The following WNT2B variants were observed in gnomAD, a reference collection of about 807,000 sequenced individuals.
WNT2B encodes protein Wnt-2b.
In WNT2B, 19 loss-of-function variants were observed where a neutral mutation model predicts 40.5. The observed-to-expected ratio is 0.47, with a 90% CI of 0.33 to 0.69. The LOEUF (loss-of-function observed/expected upper bound fraction) is 0.69. Among genes scored for constraint, WNT2B ranks in the 30% least tolerant of loss-of-function variants. The pLI is 0.02. For synonymous variants in WNT2B, 220 were observed against 211.9 expected (o/e 1.04, Z -0.33); for missense variants, 467 against 556.4 (o/e 0.84, Z 1.62).
chr1:112,494,363 A>C (rs1651703464), intron 1 of WNT2B, among the ~76,000 whole-genome samples: 1 of 151,200 alleles, frequency 6.6e-6, no homozygotes, highest in African/African-American at 2.5e-5. Context: ...GCAAGAAGAA[A>C]GCGGAGAAAA....
At chr1:112,483,648 A>G (rs1342939114) in intron 1 of WNT2B, among the ~76,000 whole-genome samples, 3 of 152,092 alleles carry the variant, frequency 2.0e-5, no homozygotes, top group East Asian at 1.9e-4. Context: ...TCAAACTAAA[A>G]AGCTTCTGCA....
At chr1:112,474,240 G>T (rs1650986423) in intron 1 of WNT2B, among the ~76,000 whole-genome samples, 1 of 151,762 alleles carries the variant, frequency 6.6e-6, no homozygotes, top group Non-Finnish European at 1.5e-5. Flanking sequence ...CCGCCTCCCG[G>T]GTTCAAGCGA....
rs749004441 is a variant in WNT2B, at chr1:112,517,158, A to G, written c.719A>G (p.His240Arg). 10 of 1,613,570 alleles carry G rather than the reference A, an allele frequency of 6.2e-6. No individual in the cohort carries two copies. The highest frequency in any genetic ancestry group is 1.7e-5 in the Admixed American group (1 of 59,996). ...TTTCTGAAGCTGGAGTGTAAGTGCC[A>G]TGGCGTGAGTGGTTCCTGTACTCTG... ...RRFLKLECKC[H>R]GVSGSCTLRT... Residue 240 changes from histidine to arginine, a missense_variant, in exon 4 of 5, where the codon CAT becomes CGT. By Grantham distance (29) the His-to-Arg change is conservative (BLOSUM62 0). Coordinates refer to ENST00000369684, the MANE Select transcript of WNT2B (RefSeq NM_024494.3).
intron 1 of WNT2B, among the ~76,000 whole-genome samples, chr1:112,493,081 G>A (rs1382462453): frequency 1.3e-5 from 2 of 150,200 alleles, no homozygotes; most frequent in South Asian, 2.1e-4. Context: ...AGGGATATTG[G>A]AATTATCATA....
rs1652245892 is a variant in WNT2B, at chr1:112,509,221, C to G, written c.-42C>G. ...TGAGTACCCCCAGAAGGTGCCCCGT[C>G]CACGCCCCTCCGGGCTGCGCGGCGG... On this transcript the variant is annotated 5_prime_UTR_variant, in exon 1 of 5. Transcript: ENST00000369684. This position sits in a 1 kb window ranked among gnomAD's most constrained non-coding sequence, Gnocchi z 4.2. The G allele has an allele frequency of 6.8e-7, 1 of 1,474,030 alleles. No individual in the cohort carries two copies. Among genetic ancestry groups the G allele is most frequent in the East Asian group, 2.8e-5 (1 of 36,332 alleles). The allele number at this position is 1,474,030 out of a possible 1,614,324, so 91.3% of individuals were successfully genotyped here. A position where few individuals can be genotyped will look rare whatever the true frequency, so the allele number is the denominator to read the frequency against.
chr1:112,482,208 A>G (rs1020679558), intron 1 of WNT2B, among the ~76,000 whole-genome samples: 7 of 151,924 alleles, frequency 4.6e-5, no homozygotes, highest in African/African-American at 1.7e-4. Flanking sequence ...GGTTCCAACT[A>G]TTTGGGAGGC....
intron 1 of WNT2B, among the ~76,000 whole-genome samples, chr1:112,474,734 G>A (rs1651003962): frequency 6.6e-6 from 1 of 152,174 alleles, no homozygotes; most frequent in Non-Finnish European, 1.5e-5. Context: ...ATCTCATGTC[G>A]AATTGTGATC....
At chr1:112,495,617 C>A (rs1373133332) in intron 1 of WNT2B, among the ~76,000 whole-genome samples, 1 of 151,130 alleles carries the variant, frequency 6.6e-6, no homozygotes, top group Non-Finnish European at 1.5e-5. Flanking sequence ...CCAGCTATAT[C>A]AATAATCACT....
intron 1 of WNT2B, among the ~76,000 whole-genome samples, chr1:112,473,141 A>AAAAGGAAGGAAG (rs57408669): frequency 7.1e-6 from 1 of 139,878 alleles, no homozygotes; most frequent in African/African-American, 2.6e-5. Context: ...GAAAGAAAGA[A>AAAAGGAAGGAAG]GAAGGAAGGA....
chr1:112,514,673 ACT>A (rs1652463993), intron 1 of WNT2B, 199 bp from the exon 2 acceptor site: 1 of 610,012 alleles, frequency 1.6e-6, no homozygotes, highest in East Asian at 2.8e-5. Context: ...CCACTCAATT[ACT>A]CTCTCTGCAA....
Position 112,517,113 on chromosome 1 carries a change from T to TC in WNT2B, c.682-3dup. 1 of 1,605,218 alleles carries TC rather than the reference T, an allele frequency of 6.2e-7. No individual in the cohort carries two copies. The highest frequency in any genetic ancestry group is 8.5e-7 in the Non-Finnish European group (1 of 1,173,084). On this transcript the variant is annotated splice_region_variant and splice_polypyrimidine_tract_variant and intron_variant, in intron 3 of 4. Coordinates refer to ENST00000369684, the MANE Select transcript of WNT2B (RefSeq NM_024494.3). ...ACTTCTCCCTTAACTGCCTTCCCCC[T>TC]CCCCCAGGCTGTGCGGCGGTTTCTG...
intron 1 of WNT2B, among the ~76,000 whole-genome samples, chr1:112,498,441 G>A (rs1463392096): frequency 6.6e-6 from 1 of 151,760 alleles, no homozygotes; most frequent in East Asian, 1.9e-4. Flanking sequence ...CACCATGTTG[G>A]CCAGGCTGGT....
chr1:112,475,991 T>A (rs1651044582), intron 1 of WNT2B, among the ~76,000 whole-genome samples: 1 of 152,152 alleles, frequency 6.6e-6, no homozygotes, highest in South Asian at 2.1e-4. Flanking sequence ...TGCAACAGAA[T>A]ACATATTATT....
rs1396941078 is a variant in WNT2B at position 112,515,996 on chromosome 1, G to A, written c.404-144G>A. 1.9e-6 allele frequency: 2 copies of A among 1,034,890 alleles called. No individual in the cohort carries two copies. The highest frequency in any genetic ancestry group is 2.7e-5 in the Admixed American group (1 of 37,164). The allele number at this position is 1,034,890 out of a possible 1,614,324, so 64.1% of individuals were successfully genotyped here. A position where few individuals can be genotyped will look rare whatever the true frequency, so the allele number is the denominator to read the frequency against. ...CTGGGGAATGCTCTTGGAAATGAAA[G>A]GCACCTTGAATAAAGGGGGTGTAGG... On this transcript the variant is annotated intron_variant, in intron 2 of 4. Coordinates refer to ENST00000369684, the MANE Select transcript of WNT2B (RefSeq NM_024494.3). The surrounding 1 kb of genome is among the most constrained non-coding windows in gnomAD (Gnocchi z 4.4).
upstream of WNT2B, among the ~76,000 whole-genome samples, chr1:112,506,703 C>CT (rs2101078696): frequency 6.6e-6 from 1 of 152,360 alleles, no homozygotes; most frequent in Admixed American, 6.5e-5. Flanking sequence ...CTCAGGAAAA[C>CT]TAAGCACAGA....
chr1:112,507,095 C>T (rs1652131064), upstream of WNT2B, among the ~76,000 whole-genome samples: 1 of 152,184 alleles, frequency 6.6e-6, no homozygotes, highest in South Asian at 2.1e-4. Context: ...GGATGCTCTT[C>T]ACCAGGAAGC....
intron 1 of WNT2B, among the ~76,000 whole-genome samples, chr1:112,475,050 G>C (rs960346809): frequency 2.0e-5 from 3 of 152,130 alleles, no homozygotes; most frequent in African/African-American, 4.8e-5. Flanking sequence ...AGAACCATGA[G>C]ACAGTTAAAC....
chr1:112,490,862 T>C lies in WNT2B; in HGVS notation c.-95+23271T>C, dbSNP rs530817268. The C allele has an allele frequency of 3.6e-5, 25 of 694,736 alleles. No individual in the cohort carries two copies. In the South Asian group the frequency reaches 4.4e-4, roughly 12 times the overall value. 43.0% of individuals were successfully genotyped at this position (694,736 alleles called of 1,614,324 possible). ...TTCAAATCCTACTCATCTATCAAGGTCTAGGCCAAAATTTACCTCTTCCGG... is the reference window on the plus strand; with the variant it reads ...TTCAAATCCTACTCATCTATCAAGGCCTAGGCCAAAATTTACCTCTTCCGG... On this transcript the variant is annotated intron_variant, in intron 1 of 4. Transcript: ENST00000256640.
intron 1 of WNT2B, among the ~76,000 whole-genome samples, chr1:112,495,470 T>C (rs1473046450): frequency 1.3e-5 from 2 of 151,778 alleles, no homozygotes; most frequent in Non-Finnish European, 2.9e-5. Flanking sequence ...GTGCCTATAG[T>C]CCCAGCTACT....
Sources: allele counts gnomAD v4.1 joint callset (sites outside exome capture counted in the v4.1 genomes callset), GRCh38; gene constraint gnomAD v4.1.1; non-coding constraint Gnocchi (gnomAD v3.1); transcripts MANE v1.5; gene names NCBI Gene and HGNC (gene_info 2026-07-23, HGNC 2026-07-21).